The following RORB variants were observed in gnomAD, a reference collection of about 807,000 sequenced individuals.
RORB encodes the protein RAR related orphan receptor B.
In RORB, 6 loss-of-function variants were observed where a neutral mutation model predicts 59.1. The ratio of observed to expected loss-of-function variants is 0.10; its 90% confidence interval spans 0.06 to 0.20. RORB has a LOEUF of 0.20. RORB is among the 10% of genes least tolerant of loss of function. The pLI, the probability that RORB is intolerant of heterozygous loss-of-function variation, is 1.00. For synonymous variants in RORB, 215 were observed against 204.5 expected, an observed-to-expected ratio of 1.05 and a Z score of -0.44; for missense variants, 320 against 560.5, an observed-to-expected ratio of 0.57 and a Z score of 4.33.
chr9:74,637,724 A>G (rs995162807), intron 3 of RORB, among the ~76,000 whole-genome samples: 3 of 152,196 alleles, frequency 2.0e-5, no homozygotes, highest in African/African-American at 4.8e-5. Context: ...AGTTGCCCTA[A>G]AAGGACAGGT....
chr9:74,638,695 T>C (rs1277411073), intron 3 of RORB, among the ~76,000 whole-genome samples: 1 of 152,192 alleles, frequency 6.6e-6, no homozygotes, highest in Non-Finnish European at 1.5e-5. Context: ...ACAGTGAAAA[T>C]GAATTATGTC....
Position 74,660,702 on chromosome 9 carries a change from C to T in RORB, c.723C>T (p.Thr241=). ...MEELHQLAWQ[T]HTYEEIKAYQ... ...AGCTGCACCAGCTGGCGTGGCAGAC[C>T]CACACCTATGAAGAAATTAAAGCAT... The change falls in exon 5 of 10, where the codon ACC becomes ACT. Residue 241 remains threonine (T), a synonymous_variant. Coordinates refer to ENST00000376896, the MANE Select transcript of RORB (RefSeq NM_006914.4). The T allele has an allele frequency of 6.2e-7, 1 of 1,613,648 alleles. No individual in the cohort carries two copies. Among genetic ancestry groups the T allele is most frequent in the Non-Finnish European group, 8.5e-7 (1 of 1,179,846 alleles).
At chr9:74,654,838 T>C (rs1235052143) in intron 4 of RORB, among the ~76,000 whole-genome samples, 1 of 152,102 alleles carries the variant, frequency 6.6e-6, no homozygotes, top group Non-Finnish European at 1.5e-5. Flanking sequence ...ACAGCAACTT[T>C]TGGGGGGAAA....
At chr9:74,677,080 C>T (rs1042459599) in intron 9 of RORB, among the ~76,000 whole-genome samples, 2 of 152,122 alleles carry the variant, frequency 1.3e-5, no homozygotes, top group Non-Finnish European at 2.9e-5. Flanking sequence ...GGCATTTCCC[C>T]GGATCCCCCA....
At chr9:74,650,745 C>G (rs1823977320) in intron 4 of RORB, among the ~76,000 whole-genome samples, 1 of 151,978 alleles carries the variant, frequency 6.6e-6, no homozygotes, top group Admixed American at 6.6e-5. Context: ...CAATAAGGAA[C>G]CATCAAAAAC....
At chr9:74,598,425 A>G (rs1823005810) in intron 1 of RORB, among the ~76,000 whole-genome samples, 1 of 152,194 alleles carries the variant, frequency 6.6e-6, no homozygotes. Context: ...TCCTTAAGCT[A>G]CAGAGCAGGT....
At chr9:74,683,155 A>G (rs924113673) in intron 9 of RORB, among the ~76,000 whole-genome samples, 3 of 152,230 alleles carry the variant, frequency 2.0e-5, no homozygotes, top group Non-Finnish European at 4.4e-5. Flanking sequence ...TGGAAGTTTC[A>G]AGAGCTCTGC....
intron 1 of RORB, among the ~76,000 whole-genome samples, chr9:74,553,816 C>T (rs1169972091): frequency 6.6e-6 from 1 of 152,178 alleles, no homozygotes; most frequent in Non-Finnish European, 1.5e-5. Flanking sequence ...CCAGAGTAGG[C>T]TGAGCTATGG....
At chr9:74,515,028 T>C (rs1373239390) in intron 1 of RORB, among the ~76,000 whole-genome samples, 1 of 149,884 alleles carries the variant, frequency 6.7e-6, no homozygotes. Flanking sequence ...AAATTAATTA[T>C]GAATGAGGAA....
At chr9:74,638,274 GA>G (rs1025401190) in intron 3 of RORB, among the ~76,000 whole-genome samples, 2 of 152,152 alleles carry the variant, frequency 1.3e-5, no homozygotes, top group Non-Finnish European at 2.9e-5. Flanking sequence ...AAGGAGCTAT[GA>G]CTTTACTTTT....
rs1360252408 is a variant in RORB at position 74,642,329 on chromosome 9, A to T, written c.236-85A>T. 4 of 1,369,020 alleles carry T rather than the reference A, an allele frequency of 2.9e-6. No homozygotes were observed. The African/African-American group carries it at 5.8e-5, about 20-fold the overall frequency. 84.8% of individuals were successfully genotyped at this position (1,369,020 alleles called of 1,614,324 possible). A position where few individuals can be genotyped will look rare whatever the true frequency, so the allele number is the denominator to read the frequency against. The stretch of plus-strand genomic sequence containing the variant: ...TTTGTGCATTTGAAGTTGAAGGGAC[A>T]ACCATCCCATGACCCGTTGTACCTG... On this transcript the variant is annotated intron_variant, in intron 3 of 9. Coordinates refer to ENST00000376896, the MANE Select transcript of RORB (RefSeq NM_006914.4).
intron 4 of RORB, among the ~76,000 whole-genome samples, chr9:74,656,315 A>G (rs764916244): frequency 1.3e-5 from 2 of 152,070 alleles, no homozygotes; most frequent in Non-Finnish European, 2.9e-5. Context: ...CCTCCACTCC[A>G]TCTCTGTCAT....
At chr9:74,552,128 G>A (rs1826620594) in intron 1 of RORB, among the ~76,000 whole-genome samples, 3 of 152,144 alleles carry the variant, frequency 2.0e-5, no homozygotes, top group African/African-American at 7.2e-5. Context: ...TCGACTAAAG[G>A]GTGGAGGTAG....
chr9:74,621,757 T>C (rs188585239), intron 1 of RORB, among the ~76,000 whole-genome samples: 1 of 152,360 alleles, frequency 6.6e-6, no homozygotes, highest in East Asian at 1.9e-4. Flanking sequence ...TTTGGTATTA[T>C]CAGTTTTTTA....
chr9:74,673,165 C>T (rs1587417880), intron 9 of RORB, among the ~76,000 whole-genome samples: 1 of 152,148 alleles, frequency 6.6e-6, no homozygotes, highest in Admixed American at 6.5e-5. Context: ...TAGTCAATAG[C>T]GAACTTCAAC....
intron 9 of RORB, among the ~76,000 whole-genome samples, chr9:74,678,079 G>T (rs1824475518): frequency 6.6e-6 from 1 of 152,162 alleles, no homozygotes. Flanking sequence ...CATTTACTAT[G>T]GGCCAGGCAC....
chr9:74,620,800 T>C (rs552985184), intron 1 of RORB, among the ~76,000 whole-genome samples: 6 of 152,340 alleles, frequency 3.9e-5, no homozygotes, highest in Admixed American at 3.3e-4. Flanking sequence ...CATTTCGTTA[T>C]GTACCCAGTA....
chr9:74,510,967 C>T (rs1056312716), intron 1 of RORB, among the ~76,000 whole-genome samples: 17 of 152,146 alleles, frequency 1.1e-4, no homozygotes, highest in Admixed American at 9.8e-4. Context: ...TTAAAAATAT[C>T]ATACTCTTTA....
intron 1 of RORB, among the ~76,000 whole-genome samples, chr9:74,519,911 T>C (rs113785937): frequency 3.0e-4 from 45 of 152,054 alleles, no homozygotes; most frequent in African/African-American, 9.9e-4. Flanking sequence ...CACAGCAATT[T>C]CTAAGAACAT....
Sources: allele counts gnomAD v4.1 joint callset (sites outside exome capture counted in the v4.1 genomes callset), GRCh38; gene constraint gnomAD v4.1.1; transcripts MANE v1.5; gene names NCBI Gene and HGNC (gene_info 2026-07-23, HGNC 2026-07-21).